Variants in KCTD8 observed in about 807,000 individuals in gnomAD.
KCTD8 encodes BTB/POZ domain-containing protein KCTD8.
In KCTD8, 27 loss-of-function variants were observed where a neutral mutation model predicts 31.5. That is an observed-to-expected ratio of 0.86 (90% CI 0.63 to 1.18). The LOEUF (loss-of-function observed/expected upper bound fraction) is 1.18, where lower values mean the gene tolerates loss of function less well. Ranked by LOEUF, KCTD8 falls within the 50% of genes most tolerant of loss-of-function variation. KCTD8 has a pLI of 0.00. For synonymous variants in KCTD8, 290 were observed against 280.0 expected (o/e 1.04, Z -0.36); for missense variants, 658 against 647.7 (o/e 1.02, Z -0.17).
Position 44,314,878 on chromosome 4 carries a change from G to GAA in KCTD8, c.961+132683_961+132684dup, listed in dbSNP as rs142498634. Reference sequence around the variant, plus strand: ...TATAGAAATAATTCAAAGACATTGTGAAAAAAAAAACAGGAAAAAAAAAAA... The same window carrying GAA: ...TATAGAAATAATTCAAAGACATTGTGAAAAAAAAAAAACAGGAAAAAAAAAAA... On this transcript the variant is annotated intron_variant, in intron 1 of 1. Coordinates refer to ENST00000360029, the MANE Select transcript of KCTD8 (RefSeq NM_198353.3). Among the ~76,000 whole-genome samples the GAA allele has an allele frequency of 3.8e-5, 5 of 131,976 alleles. 1 individual carries two copies. The highest frequency in any genetic ancestry group is 1.4e-4 in the African/African-American group (5 of 36,668). 86.6% of individuals were successfully genotyped at this position (131,976 alleles called of 152,430 possible).
At chr4:44,191,544 G>C (rs935219413) in intron 1 of KCTD8, among the ~76,000 whole-genome samples, 1 of 152,110 alleles carries the variant, frequency 6.6e-6, no homozygotes, top group Non-Finnish European at 1.5e-5. Context: ...TAAATATTAA[G>C]ACCCTAGGAA....
intron 1 of KCTD8, among the ~76,000 whole-genome samples, chr4:44,230,803 A>T (rs1715098395): frequency 6.6e-6 from 1 of 152,068 alleles, no homozygotes; most frequent in Admixed American, 6.6e-5. Context: ...TTGCCATTAA[A>T]TTTTTTTAAT....
intron 1 of KCTD8, among the ~76,000 whole-genome samples, chr4:44,264,717 G>T (rs974533758): frequency 6.6e-6 from 1 of 152,122 alleles, no homozygotes; most frequent in Non-Finnish European, 1.5e-5. Flanking sequence ...TTAGGAAATG[G>T]CACACCAGGA....
At chr4:44,286,568 A>T (rs931903441) in intron 1 of KCTD8, among the ~76,000 whole-genome samples, 1 of 152,108 alleles carries the variant, frequency 6.6e-6, no homozygotes, top group African/African-American at 2.4e-5. Flanking sequence ...AGAAAGCCCA[A>T]TGTAGCTGGG....
intron 1 of KCTD8, among the ~76,000 whole-genome samples, chr4:44,177,730 A>G (rs1251175006): frequency 1.3e-5 from 2 of 152,214 alleles, no homozygotes; most frequent in Non-Finnish European, 2.9e-5. Context: ...CTTTAAGTCA[A>G]TTAAACCTCT....
At chr4:44,336,149 C>CAAAAAAAAAAAAAAAAAAAAAAAAA (rs58161667) in intron 1 of KCTD8, among the ~76,000 whole-genome samples, 1 of 46,526 alleles carries the variant, frequency 2.1e-5, no homozygotes, top group African/African-American at 8.2e-5. Context: ...GACTCCGTCT[C>CAAAAAAAAAAAAAAAAAAAAAAAAA]AAAAAAAAAA....
At chr4:44,278,776 C>T (rs1716819385) in intron 1 of KCTD8, among the ~76,000 whole-genome samples, 1 of 152,060 alleles carries the variant, frequency 6.6e-6, no homozygotes, top group Non-Finnish European at 1.5e-5. Context: ...TTTCTGACCT[C>T]TCAACCATGA....
intron 1 of KCTD8, among the ~76,000 whole-genome samples, chr4:44,197,746 A>G (rs2109337820): frequency 6.6e-6 from 1 of 152,288 alleles, no homozygotes; most frequent in South Asian, 2.1e-4. Context: ...TGGCATTCAA[A>G]AAGCCAGTGT....
At chr4:44,411,115 A>G (rs1053690595) in intron 1 of KCTD8, among the ~76,000 whole-genome samples, 2 of 152,192 alleles carry the variant, frequency 1.3e-5, no homozygotes, top group Middle Eastern at 3.4e-3. Flanking sequence ...ATTTGATGAC[A>G]CTCCATTTTT....
At chr4:44,188,829 C>G (rs1056294742) in intron 1 of KCTD8, among the ~76,000 whole-genome samples, 5 of 152,072 alleles carry the variant, frequency 3.3e-5, no homozygotes, top group African/African-American at 1.2e-4. Flanking sequence ...CAAATTTTTC[C>G]CTAGAACTTC....
intron 1 of KCTD8, among the ~76,000 whole-genome samples, chr4:44,367,946 C>T (rs981713404): frequency 4.6e-5 from 7 of 151,698 alleles, no homozygotes; most frequent in African/African-American, 1.7e-4. Context: ...TTTGCTTTAT[C>T]AAGATGTCAT....
intron 1 of KCTD8, among the ~76,000 whole-genome samples, chr4:44,339,665 T>C (rs1321828118): frequency 6.6e-6 from 1 of 152,114 alleles, no homozygotes; most frequent in Non-Finnish European, 1.5e-5. Flanking sequence ...ATATAGAAGA[T>C]TTTATAACTT....
rs543571219 is a variant in KCTD8 at position 44,237,745 on chromosome 4, A to G, written c.962-62495T>C. On this transcript the variant is annotated intron_variant, in intron 1 of 1. Coordinates refer to ENST00000360029, the MANE Select transcript of KCTD8 (RefSeq NM_198353.3). ...CCTGATCCTTTATTTAACTCTAAGC[A>G]TATGCACATTTTGTAACAACTTTAA... 2.6e-5 allele frequency among the ~76,000 whole-genome samples: 4 copies of G among 152,322 alleles called. No homozygotes were observed. In the South Asian group the frequency reaches 8.3e-4, roughly 32 times the overall value.
At chr4:44,394,639 G>T (rs73247528) in intron 1 of KCTD8, among the ~76,000 whole-genome samples, 2 of 151,648 alleles carry the variant, frequency 1.3e-5, no homozygotes, top group Non-Finnish European at 2.9e-5. Context: ...AATTCAAATC[G>T]GATAATTTGA....
intron 1 of KCTD8, among the ~76,000 whole-genome samples, chr4:44,303,383 G>T (rs1406925825): frequency 6.6e-6 from 1 of 151,948 alleles, no homozygotes; most frequent in Non-Finnish European, 1.5e-5. Flanking sequence ...ATTGATTATT[G>T]CCACAATTTC....
chr4:44,179,991 T>C (rs1024251910), intron 1 of KCTD8, among the ~76,000 whole-genome samples: 3 of 152,186 alleles, frequency 2.0e-5, no homozygotes, highest in African/African-American at 7.2e-5. Context: ...TTTTATTCAG[T>C]GGCCCAAAGC....
At position 44,233,255 on chromosome 4, in the gene KCTD8, T is replaced by C. The variant is rs534980806; in HGVS notation, c.962-58005A>G. On this transcript the variant is annotated intron_variant, in intron 1 of 1. Transcript: ENST00000360029. Reference sequence around the variant, plus strand: ...GTTACTTTTTGAGCTTTTAGTTTTGTCTGACTATTTTCTGCCTTTTTAGTA... The same window carrying C: ...GTTACTTTTTGAGCTTTTAGTTTTGCCTGACTATTTTCTGCCTTTTTAGTA... Among the ~76,000 whole-genome samples the C allele has an allele frequency of 3.3e-5, 5 of 152,322 alleles. No homozygotes were observed. The South Asian group carries it at 1.0e-3, about 32-fold the overall frequency.
intron 1 of KCTD8, among the ~76,000 whole-genome samples, chr4:44,420,465 CCATA>C (rs1331249144): frequency 6.6e-6 from 1 of 152,136 alleles, no homozygotes; most frequent in Non-Finnish European, 1.5e-5. Context: ...GCTTTAGAGG[CCATA>C]CAGACTTGGT....
At chr4:44,200,711 G>C (rs1714116480) in intron 1 of KCTD8, among the ~76,000 whole-genome samples, 1 of 151,922 alleles carries the variant, frequency 6.6e-6, no homozygotes, top group Admixed American at 6.6e-5. Context: ...TACTGAACAG[G>C]CAAAAGCTTA....
Sources: allele counts gnomAD v4.1 joint callset (sites outside exome capture counted in the v4.1 genomes callset), GRCh38; gene constraint gnomAD v4.1.1; transcripts MANE v1.5; gene names NCBI Gene and HGNC (gene_info 2026-07-23, HGNC 2026-07-21).